The following TMEM232 variants were observed in gnomAD, a reference collection of about 807,000 sequenced individuals.
TMEM232 encodes the protein transmembrane protein 232.
Under a neutral mutation model 78.8 loss-of-function variants are expected in TMEM232, and 80 were observed. The ratio of observed to expected loss-of-function variants is 1.01; its 90% CI spans 0.85 to 1.22. The LOEUF (loss-of-function observed/expected upper bound fraction) is 1.22, where lower values mean the gene tolerates loss of function less well. Ranked by LOEUF, TMEM232 falls within the 50% of genes most tolerant of loss-of-function variation. The pLI is 0.00. For synonymous variants in TMEM232, 297 were observed against 254.3 expected, an observed-to-expected ratio of 1.17 and a Z score of -1.60; for missense variants, 881 against 742.2, an observed-to-expected ratio of 1.19 and a Z score of -2.17.
intron 6 of TMEM232, among the ~76,000 whole-genome samples, chr5:110,626,296 G>GT (rs1013676370): frequency 6.6e-6 from 1 of 151,900 alleles, no homozygotes; most frequent in Non-Finnish European, 1.5e-5. Context: ...TGAATATTTG[G>GT]TAAGTCACTA....
chr5:110,569,744 G>C (rs1344030042), intron 10 of TMEM232, among the ~76,000 whole-genome samples: 1 of 151,710 alleles, frequency 6.6e-6, no homozygotes, highest in Non-Finnish European at 1.5e-5. Context: ...AGTACCGGAG[G>C]GGGTACTAAC....
In TMEM232 at chr5:110,737,466, C is replaced by A. The variant is rs372320163; in HGVS notation, c.-126+527G>T. On this transcript the variant is annotated intron_variant, in intron 1 of 4. Coordinates refer to the TMEM232 transcript ENST00000512886. ...GTTTTTGATACATAGTGCCAAACTG[C>A]TCTCCATCAGAAAGTTATGTTTTAT... Among the ~76,000 whole-genome samples, 8 of 152,240 alleles carry A rather than the reference C, an allele frequency of 5.3e-5. 1 individual carries two copies. The highest frequency in any genetic ancestry group is 3.9e-4 in the East Asian group (2 of 5,192).
At chr5:110,577,245 A>C (rs975222214) in intron 10 of TMEM232, among the ~76,000 whole-genome samples, 1 of 152,126 alleles carries the variant, frequency 6.6e-6, no homozygotes, top group Non-Finnish European at 1.5e-5. Flanking sequence ...AAGAAGACAC[A>C]CATGTGGCTA....
At chr5:110,597,623 G>T (rs1346479579) in intron 10 of TMEM232, among the ~76,000 whole-genome samples, 2 of 151,584 alleles carry the variant, frequency 1.3e-5, no homozygotes, top group Non-Finnish European at 2.9e-5. Flanking sequence ...ATACTACAAG[G>T]CTACAGTAAC....
chr5:110,601,356 C>T (rs530458479), intron 10 of TMEM232, among the ~76,000 whole-genome samples: 6 of 152,222 alleles, frequency 3.9e-5, no homozygotes, highest in Admixed American at 3.9e-4. Flanking sequence ...TAGAGGAAGT[C>T]AACTTCTCTC....
intron 12 of TMEM232, among the ~76,000 whole-genome samples, chr5:110,523,966 AGG>A (rs1230285778): frequency 0.12 from 5,025 of 41,166 alleles, 202 homozygotes; most frequent in African/African-American, 0.26. Context: ...AAAAAAAAAA[AGG>A]GGGGGGGGCG....
chr5:110,660,492 G>A (rs1789634026), intron 2 of TMEM232, among the ~76,000 whole-genome samples: 1 of 151,842 alleles, frequency 6.6e-6, no homozygotes, highest in Admixed American at 6.6e-5. Flanking sequence ...TAAGAAGAAA[G>A]AAGAGTTAAA....
intron 10 of TMEM232, among the ~76,000 whole-genome samples, chr5:110,572,692 T>C (rs1437895861): frequency 3.9e-5 from 6 of 152,066 alleles, no homozygotes; most frequent in Non-Finnish European, 2.9e-5. Context: ...CCTTTTAAAT[T>C]CCATTCATAT....
chr5:110,424,269 C>G (rs1757006071), intron 13 of TMEM232, among the ~76,000 whole-genome samples: 1 of 152,046 alleles, frequency 6.6e-6, no homozygotes, highest in South Asian at 2.1e-4. Context: ...ACCAGAAAAG[C>G]ATTTTCTCTC....
intron 12 of TMEM232, among the ~76,000 whole-genome samples, chr5:110,490,287 A>G (rs1449349555): frequency 6.6e-6 from 1 of 152,186 alleles, no homozygotes; most frequent in Non-Finnish European, 1.5e-5. Flanking sequence ...TATCAAAAAT[A>G]ATACTTGGAA....
chr5:110,585,905 A>G (rs1421094398), intron 10 of TMEM232, among the ~76,000 whole-genome samples: 1 of 152,170 alleles, frequency 6.6e-6, no homozygotes, highest in Non-Finnish European at 1.5e-5. Flanking sequence ...GCTGCAACCT[A>G]GGGATTTAAC....
intron 7 of TMEM232, among the ~76,000 whole-genome samples, chr5:110,622,855 G>C (rs895237441): frequency 6.0e-5 from 9 of 150,462 alleles, no homozygotes; most frequent in East Asian, 5.9e-4. Context: ...GGTGTGGGGA[G>C]GGGGGAGGGA....
At chr5:110,672,993 G>A (rs1043587478) in intron 1 of TMEM232, among the ~76,000 whole-genome samples, 2 of 152,082 alleles carry the variant, frequency 1.3e-5, no homozygotes, top group Non-Finnish European at 2.9e-5. Flanking sequence ...GCTATAAAGA[G>A]ACATGCACAC....
downstream of TMEM232, among the ~76,000 whole-genome samples, chr5:110,414,814 A>C (rs909871417): frequency 1.3e-5 from 2 of 152,126 alleles, no homozygotes; most frequent in Middle Eastern, 3.2e-3. Context: ...GTGTCCTTAA[A>C]TCTTCCCAAT....
intron 3 of TMEM232, among the ~76,000 whole-genome samples, chr5:110,393,782 C>A (rs1230802269): frequency 6.6e-6 from 1 of 151,830 alleles, no homozygotes; most frequent in African/African-American, 2.4e-5. Context: ...CATGGTGAAA[C>A]CCCATCTCTA....
chr5:110,482,553 C>T (rs1007715375), intron 12 of TMEM232, among the ~76,000 whole-genome samples: 2 of 149,206 alleles, frequency 1.3e-5, no homozygotes, highest in African/African-American at 2.5e-5. Context: ...TGCACTCCAG[C>T]CTGGGCGACA....
chr5:110,605,405 T>A, intron 9 of TMEM232, 47 bp from the exon 10 acceptor site: 3 of 1,499,876 alleles, frequency 2.0e-6, no homozygotes, highest in Non-Finnish European at 2.7e-6. Flanking sequence ...TATCTTTGCA[T>A]ATCAATAACT....
intron 2 of TMEM232, among the ~76,000 whole-genome samples, chr5:110,652,318 A>ACACACACACACACC (rs1257447905): frequency 6.6e-6 from 1 of 151,992 alleles, no homozygotes; most frequent in Non-Finnish European, 1.5e-5. Flanking sequence ...ACACACACAC[A>ACACACACACACACC]CACTATCCAG....
chr5:110,640,093 A>C (rs1488057909), intron 4 of TMEM232, among the ~76,000 whole-genome samples: 1 of 152,212 alleles, frequency 6.6e-6, no homozygotes, highest in Non-Finnish European at 1.5e-5. Context: ...TGTAATTGTC[A>C]ATGAAGAGCA....
Sources: gnomAD v4.1 joint callset for allele counts (sites outside exome capture counted in the v4.1 genomes callset) on GRCh38, gnomAD v4.1.1 for gene constraint, MANE v1.5 for transcripts, NCBI Gene and HGNC (gene_info 2026-07-23, HGNC 2026-07-21) for gene names.